SYN3: variants seen among roughly 807,000 people sequenced by gnomAD.
The protein encoded by SYN3 is synapsin III.
Under a neutral mutation model 65.8 loss-of-function variants are expected in SYN3, and 35 were observed. The ratio of observed to expected loss-of-function variants is 0.53; its 90% CI spans 0.41 to 0.70. The LOEUF is 0.70. SYN3 is among the 30% of genes least tolerant of loss of function. The pLI is 0.00. For missense variants in SYN3, 680 were observed against 749.0 expected (o/e 0.91, Z 1.08); for synonymous variants, 270 against 292.9 (o/e 0.92, Z 0.80).
chr22:32,551,371 C>T (rs1421139525), intron 7 of SYN3, among the ~76,000 whole-genome samples: 1 of 152,112 alleles, frequency 6.6e-6, no homozygotes, highest in Non-Finnish European at 1.5e-5. Flanking sequence ...TGCCAGAATC[C>T]AGAACCTGAT....
chr22:32,518,626 A>G, intron 12 of SYN3: 1 of 524,088 alleles, frequency 1.9e-6, no homozygotes, highest in Non-Finnish European at 3.5e-6. Flanking sequence ...AAAATAGCTT[A>G]GAATACAGTA....
At chr22:32,578,573 A>T (rs2058889737) in intron 7 of SYN3, among the ~76,000 whole-genome samples, 2 of 152,216 alleles carry the variant, frequency 1.3e-5, no homozygotes. Flanking sequence ...TCAAACTGTG[A>T]GTTTGAAATT....
At chr22:32,923,952 T>C (rs1216496623) in intron 4 of SYN3, among the ~76,000 whole-genome samples, 3 of 94,730 alleles carry the variant, frequency 3.2e-5, no homozygotes, top group Non-Finnish European at 6.2e-5. Flanking sequence ...TTTGGTTTTC[T>C]GTTCCTGTGT....
intron 1 of SYN3, among the ~76,000 whole-genome samples, chr22:33,052,283 G>C (rs2054180393): frequency 6.6e-6 from 1 of 152,182 alleles, no homozygotes; most frequent in Non-Finnish European, 1.5e-5. Context: ...TGGCAGTTTA[G>C]CAATTCATTC....
At chr22:32,591,794 C>T (rs1393347325) in intron 7 of SYN3, among the ~76,000 whole-genome samples, 3 of 152,140 alleles carry the variant, frequency 2.0e-5, no homozygotes, top group Non-Finnish European at 2.9e-5. Flanking sequence ...CAGAAATAAA[C>T]AATTCCTAGG....
intron 6 of SYN3, among the ~76,000 whole-genome samples, chr22:32,630,565 C>T (rs1209749116): frequency 2.0e-5 from 3 of 152,138 alleles, no homozygotes; most frequent in African/African-American, 7.2e-5. Context: ...TCGGCTCTGC[C>T]TCTTATTAGC....
At chr22:32,684,893 A>C (rs1477018079) in intron 6 of SYN3, among the ~76,000 whole-genome samples, 1 of 152,314 alleles carries the variant, frequency 6.6e-6, no homozygotes, top group East Asian at 1.9e-4. Context: ...AGGCACACTC[A>C]TTTCCTGCCC....
chr22:32,564,950 CT>C (rs1419031819), intron 7 of SYN3, among the ~76,000 whole-genome samples: 1 of 92,278 alleles, frequency 1.1e-5, no homozygotes, highest in Non-Finnish European at 2.3e-5. Flanking sequence ...CCAAACAGTG[CT>C]CCTGGACTGC....
chr22:32,828,211 C>T (rs1308458555), intron 6 of SYN3, among the ~76,000 whole-genome samples: 2 of 152,174 alleles, frequency 1.3e-5, no homozygotes, highest in African/African-American at 2.4e-5. Context: ...GCCCTGGTTT[C>T]CCAGCTAGTG....
In SYN3 at chr22:32,512,082, C is replaced by A. The variant is rs927653450; in HGVS notation, c.*1610G>T. Among the ~76,000 whole-genome samples the A allele has an allele frequency of 1.3e-5, 2 of 152,202 alleles. No individual in the cohort carries two copies. Among genetic ancestry groups the A allele is most frequent in the African/African-American group, 2.4e-5 (1 of 41,462 alleles). On this transcript the variant is annotated 3_prime_UTR_variant, in exon 14 of 14. Transcript: ENST00000358763. ...AGAGTTCTAAGTGATCCAATGCCCA[C>A]AGAAGGAGAGGGTCTCTGGCCCTGA...
chr22:32,610,173 C>T (rs891976118), intron 6 of SYN3, among the ~76,000 whole-genome samples: 24 of 152,054 alleles, frequency 1.6e-4, no homozygotes, highest in African/African-American at 3.9e-4. Context: ...CTCAGCTACT[C>T]GGGAGGCTGA....
At chr22:33,003,504 TG>T (rs2053119254) in intron 2 of SYN3, among the ~76,000 whole-genome samples, 1 of 152,144 alleles carries the variant, frequency 6.6e-6, no homozygotes, top group Non-Finnish European at 1.5e-5. Context: ...TTTTGGGAAC[TG>T]GAGTAAAGGT....
At chr22:32,883,719 A>G (rs2049208512) in intron 4 of SYN3, among the ~76,000 whole-genome samples, 1 of 152,226 alleles carries the variant, frequency 6.6e-6, no homozygotes, top group African/African-American at 2.4e-5. Flanking sequence ...AACTGTGATG[A>G]TATCTCCATT....
chr22:33,002,642 T>C (rs976369837), intron 2 of SYN3, among the ~76,000 whole-genome samples: 3 of 151,688 alleles, frequency 2.0e-5, no homozygotes, highest in African/African-American at 7.3e-5. Flanking sequence ...AGACTCCATC[T>C]CAAAAAAACA....
chr22:32,839,437 T>C (rs2047831458), intron 6 of SYN3, among the ~76,000 whole-genome samples: 1 of 152,100 alleles, frequency 6.6e-6, no homozygotes. Context: ...GGTGAACACT[T>C]TGAGGTAGTC....
intron 6 of SYN3, chr22:32,783,233 A>C (rs2046115847): frequency 6.6e-6 from 1 of 152,218 alleles, no homozygotes; most frequent in Middle Eastern, 3.1e-3. Context: ...AGGGCCTTGA[A>C]ACAGGTGAGT....
At chr22:32,687,136 T>C (rs1312935256) in intron 6 of SYN3, among the ~76,000 whole-genome samples, 1 of 151,954 alleles carries the variant, frequency 6.6e-6, no homozygotes, top group Non-Finnish European at 1.5e-5. Flanking sequence ...GAATACCCAG[T>C]AGGTCTTGTT....
chr22:32,763,617 C>A (rs2045545832), intron 6 of SYN3, among the ~76,000 whole-genome samples: 1 of 152,218 alleles, frequency 6.6e-6, no homozygotes, highest in Non-Finnish European at 1.5e-5. Context: ...ATGCTGGTAG[C>A]CATGCAGTAC....
intron 1 of SYN3, among the ~76,000 whole-genome samples, chr22:33,016,952 C>A (rs1041952375): frequency 6.6e-6 from 1 of 152,200 alleles, no homozygotes; most frequent in African/African-American, 2.4e-5. Flanking sequence ...CTTTTGGAGA[C>A]ACTTGGACAA....
Sources: allele counts gnomAD v4.1 joint callset (sites outside exome capture counted in the v4.1 genomes callset), GRCh38; gene constraint gnomAD v4.1.1; transcripts MANE v1.5; gene names NCBI Gene and HGNC (gene_info 2026-07-23, HGNC 2026-07-21).